STPG2: variants seen among roughly 807,000 people sequenced by gnomAD.
The protein encoded by STPG2 is sperm-tail PG-rich repeat-containing protein 2.
STPG2 carries 56 observed loss-of-function variants against 54.2 expected under a neutral mutation model. The observed-to-expected ratio is 1.03, with a 90% confidence interval of 0.83 to 1.29. The LOEUF is 1.29. Ranked by LOEUF, STPG2 falls within the 50% of genes most tolerant of loss-of-function variation. The pLI, the probability that STPG2 is intolerant of heterozygous loss-of-function variation, is 0.00. For missense variants in STPG2, 596 were observed against 544.9 expected (o/e 1.09, Z -0.93); for synonymous variants, 200 against 181.8 (o/e 1.10, Z -0.81).
chr4:97,610,260 G>A (rs1330571224), intron 10 of STPG2, among the ~76,000 whole-genome samples: 2 of 152,020 alleles, frequency 1.3e-5, no homozygotes, highest in African/African-American at 4.8e-5. Flanking sequence ...GAATCCTTTA[G>A]AAAGAAGGAA....
intron 3 of STPG2, among the ~76,000 whole-genome samples, chr4:98,125,649 A>G (rs1304474635): frequency 1.3e-5 from 2 of 152,344 alleles, no homozygotes; most frequent in East Asian, 3.9e-4. Flanking sequence ...CAGGAGGAAC[A>G]AGATCAGGGA....
intron 4 of STPG2, among the ~76,000 whole-genome samples, chr4:97,530,374 G>C (rs768472673): frequency 2.0e-5 from 3 of 152,150 alleles, no homozygotes; most frequent in African/African-American, 7.2e-5. Context: ...ATAACTGTGC[G>C]AAGGAATGAA....
intron 5 of STPG2, among the ~76,000 whole-genome samples, chr4:98,036,807 A>C (rs1008528846): frequency 6.6e-6 from 1 of 152,096 alleles, no homozygotes; most frequent in African/African-American, 2.4e-5. Context: ...TGAACTTAAA[A>C]TAAAAGTTAA....
intron 7 of STPG2, among the ~76,000 whole-genome samples, chr4:97,960,150 C>T (rs146072999): frequency 0.012 from 1,789 of 152,212 alleles, 31 homozygotes; most frequent in African/African-American, 0.041. Context: ...TCCAGCATCA[C>T]TTTATGATTA....
chr4:97,452,842 C>T (rs996771124), intron 4 of STPG2, among the ~76,000 whole-genome samples: 2 of 152,156 alleles, frequency 1.3e-5, no homozygotes, highest in African/African-American at 4.8e-5. Flanking sequence ...GAGCTGAACA[C>T]TCATCAGAAC....
intron 9 of STPG2, among the ~76,000 whole-genome samples, chr4:97,772,785 GTAAAT>G (rs1282391240): frequency 6.6e-6 from 1 of 152,060 alleles, no homozygotes; most frequent in Non-Finnish European, 1.5e-5. Context: ...ACATCCAAAA[GTAAAT>G]TAATCTATTT....
intron 10 of STPG2, among the ~76,000 whole-genome samples, chr4:97,675,970 A>G (rs1324899211): frequency 6.8e-6 from 1 of 146,648 alleles, no homozygotes; most frequent in Non-Finnish European, 1.5e-5. Flanking sequence ...TACTATATAT[A>G]GACAATATAC....
intron 8 of STPG2, among the ~76,000 whole-genome samples, chr4:97,893,402 T>C (rs1730842641): frequency 6.6e-6 from 1 of 152,014 alleles, no homozygotes; most frequent in Non-Finnish European, 1.5e-5. Flanking sequence ...AAATACAAAA[T>C]ACAGTGGCTT....
chr4:97,971,618 G>A (rs1319857449), intron 7 of STPG2, among the ~76,000 whole-genome samples: 1 of 151,988 alleles, frequency 6.6e-6, no homozygotes, highest in African/African-American at 2.4e-5. Context: ...TGGACACAGG[G>A]CAGGGAACAT....
intron 4 of STPG2, among the ~76,000 whole-genome samples, chr4:97,548,521 G>C (rs542113380): frequency 1.3e-5 from 2 of 152,236 alleles, no homozygotes; most frequent in African/African-American, 4.8e-5. Context: ...GCCAAAGAGA[G>C]TAAGCATTTA....
intron 10 of STPG2, among the ~76,000 whole-genome samples, chr4:97,559,961 C>T (rs1177810788): frequency 6.6e-6 from 1 of 152,136 alleles, no homozygotes; most frequent in Non-Finnish European, 1.5e-5. Context: ...TCAACTGATG[C>T]AAGTCATTTG....
intron 9 of STPG2, among the ~76,000 whole-genome samples, chr4:97,834,913 G>A (rs747575284): frequency 6.6e-6 from 1 of 152,056 alleles, no homozygotes; most frequent in Non-Finnish European, 1.5e-5. Flanking sequence ...TCAGCCTGAA[G>A]TTACAGAAGA....
At chr4:98,140,727 T>G (rs1168020069) in intron 1 of STPG2, among the ~76,000 whole-genome samples, 2 of 152,036 alleles carry the variant, frequency 1.3e-5, no homozygotes, top group African/African-American at 4.8e-5. Context: ...GCTCAGACAC[T>G]TAAAACTTCA....
At chr4:97,760,144 C>A (rs768549257) in intron 9 of STPG2, among the ~76,000 whole-genome samples, 10 of 152,122 alleles carry the variant, frequency 6.6e-5, no homozygotes, top group Non-Finnish European at 1.5e-4. Flanking sequence ...ATAGAATGTA[C>A]TACTCCTAAA....
At chr4:98,120,810 C>T (rs11931590) in intron 3 of STPG2, among the ~76,000 whole-genome samples, 60,113 of 152,008 alleles carry the variant, frequency 0.4, 12,128 homozygotes, top group Middle Eastern at 0.46. Context: ...TATTAGACCT[C>T]TGTCAAATGG....
chr4:97,572,677 T>G (rs988423113), intron 10 of STPG2: 5 of 152,136 alleles, frequency 3.3e-5, no homozygotes, highest in African/African-American at 7.2e-5. Context: ...GGAAATAACT[T>G]GCAATCAGCA....
chr4:97,675,021 G>A (rs181331928), intron 10 of STPG2, among the ~76,000 whole-genome samples: 1 of 149,878 alleles, frequency 6.7e-6, no homozygotes, highest in East Asian at 2.0e-4. Flanking sequence ...CTTTTTTTTT[G>A]AGACGAAGTT....
intron 5 of STPG2, among the ~76,000 whole-genome samples, chr4:97,994,339 A>G (rs75319135): frequency 0.024 from 3,596 of 152,260 alleles, 93 homozygotes; most frequent in African/African-American, 0.059. Flanking sequence ...AATACTTGCA[A>G]TATTTTCATT....
At chr4:98,012,755 T>C (rs2149283736) in intron 5 of STPG2, among the ~76,000 whole-genome samples, 1 of 152,330 alleles carries the variant, frequency 6.6e-6, no homozygotes, top group East Asian at 1.9e-4. Context: ...TCTGCCTATC[T>C]ATTGTTGGTG....
Sources: allele counts gnomAD v4.1 joint callset (sites outside exome capture counted in the v4.1 genomes callset), GRCh38; gene constraint gnomAD v4.1.1; transcripts MANE v1.5; gene names NCBI Gene and HGNC (gene_info 2026-07-23, HGNC 2026-07-21).